Variants in FOXP2 observed in about 807,000 individuals in gnomAD.
FOXP2 encodes the protein forkhead box protein P2.
FOXP2 carries 12 observed loss-of-function variants against 115.8 expected under a neutral mutation model. The observed-to-expected ratio is 0.10, with a 90% CI of 0.07 to 0.17. The LOEUF is 0.17. Ranked by LOEUF, FOXP2 falls within the 10% of genes least tolerant of loss-of-function variation. The pLI, the probability that FOXP2 is intolerant of heterozygous loss-of-function variation, is 1.00. For missense variants in FOXP2, 629 were observed against 843.5 expected, an observed-to-expected ratio of 0.75 and a Z score of 3.15; for synonymous variants, 328 against 297.7, an observed-to-expected ratio of 1.10 and a Z score of -1.05.
At chr7:114,402,555 T>C (rs1792911024) in intron 2 of FOXP2, among the ~76,000 whole-genome samples, 1 of 152,044 alleles carries the variant, frequency 6.6e-6, no homozygotes, top group South Asian at 2.1e-4. Flanking sequence ...TCTGTGCTGG[T>C]GTAAACAAGC....
At chr7:114,641,172 T>C (rs546988539) in intron 6 of FOXP2, among the ~76,000 whole-genome samples, 1 of 152,328 alleles carries the variant, frequency 6.6e-6, no homozygotes, top group African/African-American at 2.4e-5. Context: ...TGTTTCCTTT[T>C]CCATGAATTG....
Position 114,644,726 on chromosome 7 carries a change from G to A in FOXP2, c.1031G>A (p.Gly344Asp). ...ACTGGGGCCTCTCACACTCTCTATGGCCATGGAGTTTGCAAATGGCCAGGC... is the reference window on the plus strand; with the variant it reads ...ACTGGGGCCTCTCACACTCTCTATGACCATGGAGTTTGCAAATGGCCAGGC... Reference protein sequence around the residue: ...EETGASHTLYGHGVCKWPGCE... With the variant: ...EETGASHTLYDHGVCKWPGCE... Residue 344 changes from glycine to aspartate, a missense_variant, in exon 8 of 17, where the codon GGC (glycine) becomes GAC (aspartate). By Grantham distance (94) the Gly-to-Asp change is moderately conservative. Around this residue, in one of 9 missense-constraint regions of FOXP2, gnomAD observed 92 missense variants for 80.1 expected, o/e 1.15. Transcript: ENST00000350908. 1 of 1,613,948 alleles carries A rather than the reference G, an allele frequency of 6.2e-7. No homozygotes were observed. Among genetic ancestry groups the A allele is most frequent in the Non-Finnish European group, 8.5e-7 (1 of 1,179,962 alleles).
chr7:114,281,365 G>T (rs897170653), intron 1 of FOXP2, among the ~76,000 whole-genome samples: 3 of 152,000 alleles, frequency 2.0e-5, no homozygotes. Context: ...GCCTCCCAAA[G>T]TCTGGGATTA....
At chr7:114,660,264 T>A (rs1013592190) in intron 13 of FOXP2, among the ~76,000 whole-genome samples, 3 of 151,976 alleles carry the variant, frequency 2.0e-5, no homozygotes, top group Admixed American at 6.6e-5. Context: ...TACAAGGAGC[T>A]AAAAAAAATG....
At chr7:114,369,304 C>G (rs1290107348) in intron 2 of FOXP2, among the ~76,000 whole-genome samples, 2 of 152,170 alleles carry the variant, frequency 1.3e-5, no homozygotes, top group Non-Finnish European at 2.9e-5. Context: ...CATCTTACAA[C>G]AGGACAAGTA....
intron 3 of FOXP2, among the ~76,000 whole-genome samples, chr7:114,548,532 A>G (rs1193543576): frequency 4.6e-5 from 7 of 152,204 alleles, no homozygotes; most frequent in Non-Finnish European, 8.8e-5. Flanking sequence ...ACTTTAGTGA[A>G]ATAAATTTTG....
At chr7:114,185,784 T>G (rs1490697680) in intron 1 of FOXP2, among the ~76,000 whole-genome samples, 2 of 152,208 alleles carry the variant, frequency 1.3e-5, no homozygotes, top group African/African-American at 2.4e-5. Flanking sequence ...TAGTTTCATT[T>G]TTTATTCTAT....
At chr7:114,571,038 T>G (rs1563006626) in intron 3 of FOXP2, among the ~76,000 whole-genome samples, 1 of 151,994 alleles carries the variant, frequency 6.6e-6, no homozygotes, top group Admixed American at 6.6e-5. Context: ...TGTAATTAGT[T>G]GATTTTCTCT....
intron 2 of FOXP2, among the ~76,000 whole-genome samples, chr7:114,363,826 A>G (rs1183747585): frequency 6.6e-6 from 1 of 152,072 alleles, no homozygotes; most frequent in Non-Finnish European, 1.5e-5. Flanking sequence ...ATATATGTGT[A>G]TTTAAAAAAA....
chr7:114,360,031 A>G lies in FOXP2; in HGVS notation c.-10-66471A>G, dbSNP rs139353352. On this transcript the variant is annotated intron_variant, in intron 2 of 17. Transcript: ENST00000634411. ...TGTCCCCACCCAAATCTCATCTTGA[A>G]TTATAGCTCCCATAATCCCCATGTG... is the stretch of plus-strand genomic sequence containing the variant. Among the ~76,000 whole-genome samples the G allele has an allele frequency of 6.6e-3, 998 of 152,242 alleles. 3 individuals carry two copies. Among genetic ancestry groups the G allele is most frequent in the Middle Eastern group, 0.031 (9 of 294 alleles).
intron 2 of FOXP2, among the ~76,000 whole-genome samples, chr7:114,319,903 T>C (rs1797375649): frequency 6.6e-6 from 1 of 152,184 alleles, no homozygotes; most frequent in African/African-American, 2.4e-5. Flanking sequence ...GTTTTTATAA[T>C]TATTTGCTAA....
At chr7:114,655,040 AT>A (rs773225332) in intron 10 of FOXP2, among the ~76,000 whole-genome samples, 27 of 152,114 alleles carry the variant, frequency 1.8e-4, no homozygotes, top group Non-Finnish European at 1.0e-4. Context: ...CTGTAAAAAC[AT>A]TTTTATAGGA....
chr7:114,335,559 A>T (rs928215687), intron 2 of FOXP2, among the ~76,000 whole-genome samples: 12 of 151,902 alleles, frequency 7.9e-5, no homozygotes, highest in Non-Finnish European at 1.5e-4. Flanking sequence ...CATGAGATTT[A>T]TCTGTGGCAA....
intron 1 of FOXP2, among the ~76,000 whole-genome samples, chr7:114,115,552 G>T (rs1791381773): frequency 6.6e-6 from 1 of 152,030 alleles, no homozygotes; most frequent in Admixed American, 6.6e-5. Context: ...TTGTCTCAGA[G>T]CCCTTATTGG....
rs535555518 is a variant in FOXP2, at chr7:114,323,416, A to G, written c.-11+35307A>G. ...TGTACAAGTACAGAAAAATGAATTT[A>G]ATATCTATTATTTTAAATATAAGAG... On this transcript the variant is annotated intron_variant, in intron 2 of 17. Coordinates refer to the FOXP2 transcript ENST00000634411. 5.3e-5 allele frequency among the ~76,000 whole-genome samples: 8 copies of G among 152,180 alleles called. No homozygotes were observed. In the South Asian group the frequency reaches 6.2e-4, roughly 12 times the overall value.
At chr7:114,115,306 C>T (rs1389479202) in intron 1 of FOXP2, among the ~76,000 whole-genome samples, 1 of 152,088 alleles carries the variant, frequency 6.6e-6, no homozygotes, top group East Asian at 1.9e-4. Context: ...TGGAACCTGC[C>T]TCTCCAGAAG....
At position 114,690,540 on chromosome 7, in the gene FOXP2, T is replaced by C. The variant is rs934928337; in HGVS notation, c.*614T>C. ...ATAAGTTAGTTATTACAAAACACAG[T>C]AATTAGACTGTTGCAACCATCTAAA... On this transcript the variant is annotated 3_prime_UTR_variant, in exon 17 of 17. Coordinates refer to ENST00000350908, the MANE Select transcript of FOXP2 (RefSeq NM_014491.4). 3 of 454,088 alleles carry C rather than the reference T, an allele frequency of 6.6e-6. No homozygotes were observed. Among genetic ancestry groups the C allele is most frequent in the Non-Finnish European group, 1.3e-5 (3 of 226,782 alleles). The allele number at this position is 454,088 out of a possible 1,614,324, so 28.1% of individuals were successfully genotyped here.
At chr7:114,490,992 A>G (rs1009948867) in intron 2 of FOXP2, among the ~76,000 whole-genome samples, 1 of 152,194 alleles carries the variant, frequency 6.6e-6, no homozygotes, top group East Asian at 1.9e-4. Context: ...TTATAGCAGC[A>G]TGTTTTATAA....
intron 1 of FOXP2, among the ~76,000 whole-genome samples, chr7:114,113,739 A>G (rs1791333926): frequency 6.6e-6 from 1 of 152,064 alleles, no homozygotes; most frequent in African/African-American, 2.4e-5. Flanking sequence ...CCTGGACCCA[A>G]GTGATCCTCC....
Sources: allele counts gnomAD v4.1 joint callset (sites outside exome capture counted in the v4.1 genomes callset), GRCh38; gene constraint gnomAD v4.1.1; regional missense constraint gnomAD v4.1.1; transcripts MANE v1.5; gene names NCBI Gene and HGNC (gene_info 2026-07-23, HGNC 2026-07-21).